Variants in NXN observed in about 807,000 individuals in gnomAD.
The protein encoded by NXN is nucleoredoxin.
NXN carries 16 observed loss-of-function variants against 48.6 expected under a neutral mutation model. That is an observed-to-expected ratio of 0.33 (90% CI 0.22 to 0.50). The LOEUF is 0.50. Among genes scored for constraint, NXN ranks in the 20% least tolerant of loss-of-function variants. The pLI is 0.98. For synonymous variants in NXN, 281 were observed against 269.6 expected (o/e 1.04, Z -0.41); for missense variants, 492 against 605.5 (o/e 0.81, Z 1.97).
rs1010208112 is a variant in NXN at position 978,829 on chromosome 17, G to A, written c.360+490C>T. Reference sequence around the variant, plus strand: ...CTGGTTTGGGCGCCACGGGCGGGGGGCGTGCGCCCTCCCCTCCCCTCCCCT... The same window carrying A: ...CTGGTTTGGGCGCCACGGGCGGGGGACGTGCGCCCTCCCCTCCCCTCCCCT... On this transcript the variant is annotated intron_variant, in intron 1 of 7. Coordinates refer to ENST00000336868, the MANE Select transcript of NXN (RefSeq NM_022463.5). The surrounding 1 kb of genome is among the most constrained non-coding windows in gnomAD (Gnocchi z 4.1). Among the ~76,000 whole-genome samples, 3 of 151,762 alleles carry A rather than the reference G, an allele frequency of 2.0e-5. No homozygotes were observed. Among genetic ancestry groups the A allele is most frequent in the Non-Finnish European group, 2.9e-5 (2 of 67,930 alleles).
intron 1 of NXN, among the ~76,000 whole-genome samples, chr17:841,770 G>C (rs1476981391): frequency 6.6e-6 from 1 of 151,800 alleles, no homozygotes; most frequent in East Asian, 1.9e-4. Flanking sequence ...CAGTGGCTCT[G>C]GGTGCGGCAA....
At chr17:834,672 A>C (rs1301282134) in intron 1 of NXN, among the ~76,000 whole-genome samples, 1 of 151,448 alleles carries the variant, frequency 6.6e-6, no homozygotes, top group Non-Finnish European at 1.5e-5. Context: ...GGCGCCCACC[A>C]CCACGCCCGA....
chr17:895,689 G>A (rs1312798648), intron 1 of NXN, among the ~76,000 whole-genome samples: 1 of 150,828 alleles, frequency 6.6e-6, no homozygotes, highest in Non-Finnish European at 1.5e-5. Flanking sequence ...GTGGTGGTGG[G>A]CACCTGTAGT....
chr17:894,994 CTTTTTTTTTTTTTTTTTTTTTTTTTTTTT>C lies in NXN; in HGVS notation c.361-68945_361-68917del, dbSNP rs778350779. ...TCTCATCCTTTCCTTTCACCCTTTCCTTTTTTTTTTTTTTTTTTTTTTTTTTTTTTTTTTTTTTTTGAGACTAAATCTCA... is the reference window on the plus strand; with the variant it reads ...TCTCATCCTTTCCTTTCACCCTTTCCTTTTTTTTTTTGAGACTAAATCTCA... On this transcript the variant is annotated intron_variant, in intron 1 of 7. Coordinates refer to ENST00000336868, the MANE Select transcript of NXN (RefSeq NM_022463.5). Among the ~76,000 whole-genome samples the C allele has an allele frequency of 6.6e-5, 4 of 60,822 alleles. No homozygotes were observed. The Admixed American group carries it at 8.8e-4, about 13-fold the overall frequency. The allele number at this position is 60,822 out of a possible 152,430, so 39.9% of individuals were successfully genotyped here.
chr17:805,026 C>T lies in NXN; in HGVS notation c.1000+42G>A, dbSNP rs571510785. The T allele has an allele frequency of 5.2e-6, 8 of 1,524,298 alleles. No individual in the cohort carries two copies. In the East Asian group the frequency reaches 1.2e-4, roughly 23 times the overall value. 94.4% of individuals were successfully genotyped at this position (1,524,298 alleles called of 1,614,324 possible). ...CCAAGTGAGGCCCCTCCTGTCCCGCCCCCCAGCCACCCCTCGCCCCCTGCC... is the reference window on the plus strand; with the variant it reads ...CCAAGTGAGGCCCCTCCTGTCCCGCTCCCCAGCCACCCCTCGCCCCCTGCC... On this transcript the variant is annotated intron_variant, in intron 6 of 7. Coordinates refer to ENST00000336868, the MANE Select transcript of NXN (RefSeq NM_022463.5).
chr17:880,747 G>A (rs1029580045), intron 1 of NXN, among the ~76,000 whole-genome samples: 1 of 152,142 alleles, frequency 6.6e-6, no homozygotes, highest in Non-Finnish European at 1.5e-5. Flanking sequence ...GGCAGGGCTG[G>A]AGATCTGTCA....
At chr17:888,962 CAA>C (rs71145786) in intron 1 of NXN, among the ~76,000 whole-genome samples, 15,856 of 101,310 alleles carry the variant, frequency 0.16, 1,278 homozygotes, top group African/African-American at 0.28. Context: ...AACTCCATCT[CAA>C]AAAAAAAAAA....
chr17:813,302 G>C (rs686942), intron 5 of NXN, among the ~76,000 whole-genome samples: 35,701 of 152,194 alleles, frequency 0.23, 4,890 homozygotes, highest in East Asian at 0.42. Flanking sequence ...TCTAGGGAGG[G>C]TGGCTGGCTT....
At chr17:835,188 C>A (rs374595457) in intron 1 of NXN, among the ~76,000 whole-genome samples, 12 of 151,056 alleles carry the variant, frequency 7.9e-5, no homozygotes, top group Middle Eastern at 3.4e-3. Context: ...GGTGCCTGTA[C>A]TCCCAGCTAC....
intron 1 of NXN, among the ~76,000 whole-genome samples, chr17:974,364 G>T (rs1402471165): frequency 4.0e-5 from 6 of 150,876 alleles, no homozygotes; most frequent in Middle Eastern, 3.4e-3. Context: ...AAAGTATATA[G>T]ATATATATAT....
intron 1 of NXN, among the ~76,000 whole-genome samples, chr17:951,073 A>G (rs1405992601): frequency 1.3e-5 from 2 of 150,132 alleles, no homozygotes; most frequent in East Asian, 4.0e-4. Flanking sequence ...ACGGTGGCTC[A>G]CGCCTGTAAT....
intron 1 of NXN, among the ~76,000 whole-genome samples, chr17:953,385 A>G (rs1294942667): frequency 6.6e-6 from 1 of 152,194 alleles, no homozygotes; most frequent in Non-Finnish European, 1.5e-5. Flanking sequence ...ACTGCACTCC[A>G]GCCTGGGAGA....
intron 1 of NXN, among the ~76,000 whole-genome samples, chr17:945,861 C>T (rs1234150706): frequency 2.0e-5 from 3 of 152,158 alleles, no homozygotes; most frequent in Admixed American, 2.0e-4. Flanking sequence ...TCAGAGATAA[C>T]CCACCAATCA....
At chr17:909,098 CAAAAAAAAAAAAAAAAAA>C (rs59822805) in intron 1 of NXN, among the ~76,000 whole-genome samples, 40 of 117,354 alleles carry the variant, frequency 3.4e-4, no homozygotes, top group Admixed American at 4.0e-4. Context: ...GACTTCGTCT[CAAAAAAAAAAAAAAAAAA>C]AAAAAAAAAA....
At chr17:883,810 C>G (rs958374508) in intron 1 of NXN, among the ~76,000 whole-genome samples, 2 of 152,206 alleles carry the variant, frequency 1.3e-5, no homozygotes, top group Non-Finnish European at 2.9e-5. Flanking sequence ...GCGGTGCTTA[C>G]GCCTGTAATC....
intron 1 of NXN, among the ~76,000 whole-genome samples, chr17:907,036 C>T (rs1318699014): frequency 6.6e-6 from 1 of 151,508 alleles, no homozygotes; most frequent in African/African-American, 2.4e-5. Flanking sequence ...GCGAGAAACA[C>T]ACATCAACAG....
intron 1 of NXN, among the ~76,000 whole-genome samples, chr17:948,088 T>TA: frequency 6.6e-6 from 1 of 151,790 alleles, no homozygotes; most frequent in East Asian, 1.9e-4. Context: ...AAGAATTTTT[T>TA]AAAAAAATGT....
At position 822,265 on chromosome 17, in the gene NXN, G is replaced by C; in HGVS notation, c.713+92C>G. Reference sequence around the variant, plus strand: ...CTGCACTCCAGCCTGGGAGACAAGAGCAAGACTCTGTCTCAGAAAAAAAAG... The same window carrying C: ...CTGCACTCCAGCCTGGGAGACAAGACCAAGACTCTGTCTCAGAAAAAAAAG... On this transcript the variant is annotated intron_variant, in intron 4 of 7. Transcript: ENST00000336868. 2.2e-6 allele frequency: 2 copies of C among 890,398 alleles called. 1 individual carries two copies. 55.2% of individuals were successfully genotyped at this position (890,398 alleles called of 1,614,324 possible).
chr17:940,654 A>G (rs1291369642), intron 1 of NXN, among the ~76,000 whole-genome samples: 2 of 151,204 alleles, frequency 1.3e-5, no homozygotes, highest in Admixed American at 6.6e-5. Context: ...ATGAACTCAC[A>G]TCACACCTTC....
Sources: gnomAD v4.1 joint callset for allele counts (sites outside exome capture counted in the v4.1 genomes callset) on GRCh38, gnomAD v4.1.1 for gene constraint, Gnocchi (gnomAD v3.1) non-coding constraint, MANE v1.5 for transcripts, NCBI Gene and HGNC (gene_info 2026-07-23, HGNC 2026-07-21) for gene names.